PIEZO2: variants seen among roughly 807,000 people sequenced by gnomAD.
PIEZO2 encodes the protein piezo-type mechanosensitive ion channel component 2.
A neutral mutation model predicts 337.3 loss-of-function variants in PIEZO2; 172 were observed. The observed-to-expected ratio is 0.51, with a 90% CI of 0.45 to 0.58. PIEZO2 has a LOEUF of 0.58. Ranked by LOEUF, PIEZO2 falls within the 20% of genes least tolerant of loss-of-function variation. The pLI is 0.00. For synonymous variants in PIEZO2, 1,251 were observed against 1,228.5 expected (o/e 1.02, Z -0.38); for missense variants, 3,028 against 3,391.3 (o/e 0.89, Z 2.66).
rs557735962 is a variant in PIEZO2, at chr18:10,946,401, A to T, written c.286+33134T>A. On this transcript the variant is annotated intron_variant, in intron 3 of 55. Coordinates refer to ENST00000674853, the MANE Select transcript of PIEZO2 (RefSeq NM_001378183.1). ...AACATATCTTTCAAAAATGAAAGGGATGACCACTGGGAAACTGTGATTCTA... is the reference window on the plus strand; with the variant it reads ...AACATATCTTTCAAAAATGAAAGGGTTGACCACTGGGAAACTGTGATTCTA... Among the ~76,000 whole-genome samples the T allele has an allele frequency of 6.6e-5, 10 of 152,336 alleles. 1 individual carries two copies. The South Asian group carries it at 2.1e-3, about 32-fold the overall frequency.
rs567162893 is a variant in PIEZO2, at chr18:10,856,728, C to T, written c.703+273G>A. Among the ~76,000 whole-genome samples, 9 of 152,290 alleles carry T rather than the reference C, an allele frequency of 5.9e-5. No homozygotes were observed. The South Asian group carries it at 1.9e-3, about 32-fold the overall frequency. On this transcript the variant is annotated intron_variant, in intron 6 of 55. Transcript: ENST00000674853. The surrounding 1 kb of genome is among the most constrained non-coding windows in gnomAD (Gnocchi z 4.7). ...GGAAGAGGATTGTTGTTATTCTAAT[C>T]TAAACCTAGAAAATGGAGTCGCTTA... is the stretch of plus-strand genomic sequence containing the variant.
intron 3 of PIEZO2, among the ~76,000 whole-genome samples, chr18:10,925,242 A>G (rs761958894): frequency 6.6e-6 from 1 of 152,240 alleles, no homozygotes; most frequent in Non-Finnish European, 1.5e-5. Flanking sequence ...AGAACATTGC[A>G]TATTTCTACA....
intron 14 of PIEZO2, 150 bp downstream of exon 14, chr18:10,791,050 CA>C: frequency 1.0e-6 from 1 of 956,458 alleles, no homozygotes; most frequent in Non-Finnish European, 1.4e-6. Flanking sequence ...ACGTGTACCT[CA>C]AAAGTCACAC....
rs444302 is a variant in PIEZO2 at position 10,952,886 on chromosome 18, T to C, written c.286+26649A>G. Among the ~76,000 whole-genome samples, 22,022 of 67,546 alleles carry C rather than the reference T, an allele frequency of 0.33. 2,824 individuals carry two copies. The highest frequency in any genetic ancestry group is 0.48 in the African/African-American group (13,921 of 29,180). 44.3% of individuals were successfully genotyped at this position (67,546 alleles called of 152,430 possible). On this transcript the variant is annotated intron_variant, in intron 3 of 55. Coordinates refer to ENST00000674853, the MANE Select transcript of PIEZO2 (RefSeq NM_001378183.1). The surrounding 1 kb of genome is among the most constrained non-coding windows in gnomAD (Gnocchi z 4.1). Reference sequence around the variant, plus strand: ...CCTTCCCTTCCTTCCTTCCTTCCTTTCATCCCTCCCTCCATCCCTCCCTCC... The same window carrying C: ...CCTTCCCTTCCTTCCTTCCTTCCTTCCATCCCTCCCTCCATCCCTCCCTCC...
chr18:10,838,261 G>C (rs2144587536), intron 7 of PIEZO2, among the ~76,000 whole-genome samples: 1 of 152,228 alleles, frequency 6.6e-6, no homozygotes, highest in Non-Finnish European at 1.5e-5. Flanking sequence ...GGAAAACACA[G>C]CCAATGTTTA....
intron 5 of PIEZO2, among the ~76,000 whole-genome samples, chr18:10,869,811 C>A (rs1361924407): frequency 1.3e-5 from 2 of 152,100 alleles, no homozygotes; most frequent in Admixed American, 6.5e-5. Context: ...TTAACATTTG[C>A]CTTAAAAATA....
chr18:10,766,006 G>C lies in PIEZO2; in HGVS notation c.2947-2908C>G, dbSNP rs2038338824. 6.6e-6 allele frequency among the ~76,000 whole-genome samples: 1 copy of C among 152,158 alleles called. No homozygotes were observed. On this transcript the variant is annotated intron_variant, in intron 21 of 55. Transcript: ENST00000674853. The surrounding 1 kb of genome is among the most constrained non-coding windows in gnomAD (Gnocchi z 6.1). ...GAAGTCAAATCAGAGGAGGACTAAA[G>C]AGCCTCTGTGCGGTGAATATTTTTA... is the stretch of plus-strand genomic sequence containing the variant.
chr18:10,703,537 C>T (rs1271657791), intron 42 of PIEZO2, among the ~76,000 whole-genome samples: 6 of 152,146 alleles, frequency 3.9e-5, no homozygotes, highest in African/African-American at 9.7e-5. Flanking sequence ...GTGCATCTAG[C>T]ATGAGCACTG....
In PIEZO2 at chr18:10,732,160, A is replaced by AT. The variant is rs2036814459; in HGVS notation, c.4915-640dup. On this transcript the variant is annotated intron_variant, in intron 35 of 55. Coordinates refer to ENST00000674853, the MANE Select transcript of PIEZO2 (RefSeq NM_001378183.1). ...AAGAGCTGAAAATAGTTACATTAAT[A>AT]TATTATAACTGAGAACCAGGAAAGA... Among the ~76,000 whole-genome samples the AT allele has an allele frequency of 2.0e-5, 3 of 152,226 alleles. No homozygotes were observed. The South Asian group carries it at 6.2e-4, about 32-fold the overall frequency.
At chr18:11,103,093 C>T (rs368062919) in intron 1 of PIEZO2, among the ~76,000 whole-genome samples, 23 of 152,200 alleles carry the variant, frequency 1.5e-4, no homozygotes, top group African/African-American at 5.5e-4. Flanking sequence ...TAAAAGGGTG[C>T]TGATTCTTGA....
rs183135212 is a variant in PIEZO2, at chr18:11,116,802, T to A, written c.64+31723A>T. Among the ~76,000 whole-genome samples, 1 of 152,072 alleles carries A rather than the reference T, an allele frequency of 6.6e-6. No homozygotes were observed. Among genetic ancestry groups the A allele is most frequent in the East Asian group, 1.9e-4 (1 of 5,166 alleles). Reference sequence around the variant, plus strand: ...GTATAGCACAGTAGGGTGACTATAGTTAACAATAATTTATTGTGTATTTCA... The same window carrying A: ...GTATAGCACAGTAGGGTGACTATAGATAACAATAATTTATTGTGTATTTCA... On this transcript the variant is annotated intron_variant, in intron 1 of 55. Coordinates refer to ENST00000674853, the MANE Select transcript of PIEZO2 (RefSeq NM_001378183.1). The surrounding 1 kb of genome is among the most constrained non-coding windows in gnomAD (Gnocchi z 5.0).
At chr18:11,065,913 T>C (rs2038132021) in intron 2 of PIEZO2, among the ~76,000 whole-genome samples, 1 of 152,202 alleles carries the variant, frequency 6.6e-6, no homozygotes, top group Non-Finnish European at 1.5e-5. Context: ...ATAGGGAATT[T>C]GTTAACTGTG....
At chr18:10,802,570 C>T (rs982056814) in intron 9 of PIEZO2, among the ~76,000 whole-genome samples, 4 of 152,094 alleles carry the variant, frequency 2.6e-5, no homozygotes, top group Admixed American at 1.3e-4. Flanking sequence ...AAAAGACAAC[C>T]GGATTTTCAC....
Position 10,807,287 on chromosome 18 carries a change from A to G in PIEZO2, c.918-13T>C, listed in dbSNP as rs1427364286. On this transcript the variant is annotated splice_polypyrimidine_tract_variant and intron_variant, in intron 7 of 55. Transcript: ENST00000674853. ...GATACCAAACAACCTGTTAAAAAAC[A>G]AAGAAAAATGCTTAAAAGATGCAAT... The G allele has an allele frequency of 3.3e-6, 5 of 1,530,170 alleles. No homozygotes were observed. The highest frequency in any genetic ancestry group is 2.5e-5 in the East Asian group (1 of 40,792). The allele number at this position is 1,530,170 out of a possible 1,614,324, so 94.8% of individuals were successfully genotyped here.
chr18:10,857,628 T>A lies in PIEZO2; in HGVS notation c.493-417A>T, dbSNP rs1185444758. Among the ~76,000 whole-genome samples the A allele has an allele frequency of 2.6e-5, 4 of 152,226 alleles. No individual in the cohort carries two copies. In the East Asian group the frequency reaches 7.7e-4, roughly 29 times the overall value. On this transcript the variant is annotated intron_variant, in intron 5 of 55. Transcript: ENST00000674853. ...AGCTTCGACTGAAAGGTGAGTCCAA[T>A]CAATGCTTAGGAAATTCTGGTTTTT...
intron 4 of PIEZO2, among the ~76,000 whole-genome samples, chr18:10,896,860 C>A: frequency 6.6e-6 from 1 of 152,134 alleles, no homozygotes; most frequent in East Asian, 1.9e-4. Flanking sequence ...CACCTACTGC[C>A]AAAAAGAGTT....
In PIEZO2 at chr18:10,673,640, G is replaced by T. The variant is rs532270176; in HGVS notation, c.8162-767C>A. ...GGGTGAATGCAAAAGAGTTGTAAAAGATAGGGTAAAAAGCTTGTAGTGACA... is the reference window on the plus strand; with the variant it reads ...GGGTGAATGCAAAAGAGTTGTAAAATATAGGGTAAAAAGCTTGTAGTGACA... On this transcript the variant is annotated intron_variant, in intron 54 of 55. Transcript: ENST00000674853. This position sits in a 1 kb window ranked among gnomAD's most constrained non-coding sequence, Gnocchi z 4.8. Among the ~76,000 whole-genome samples, 11 of 152,314 alleles carry T rather than the reference G, an allele frequency of 7.2e-5. No individual in the cohort carries two copies. In the South Asian group the frequency reaches 2.3e-3, roughly 32 times the overall value.
At chr18:11,100,981 C>G (rs1011352445) in intron 1 of PIEZO2, among the ~76,000 whole-genome samples, 1 of 152,200 alleles carries the variant, frequency 6.6e-6, no homozygotes, top group African/African-American at 2.4e-5. Flanking sequence ...AACTTAAACT[C>G]AGGGGGTCAT....
intron 2 of PIEZO2, among the ~76,000 whole-genome samples, chr18:11,036,893 T>A (rs1771395220): frequency 6.6e-6 from 1 of 152,176 alleles, no homozygotes; most frequent in Admixed American, 6.5e-5. Flanking sequence ...TATATTGCAA[T>A]AGATATAAAC....
Sources: gnomAD v4.1 joint callset for allele counts (sites outside exome capture counted in the v4.1 genomes callset) on GRCh38, gnomAD v4.1.1 for gene constraint, Gnocchi (gnomAD v3.1) non-coding constraint, MANE v1.5 for transcripts, NCBI Gene and HGNC (gene_info 2026-07-23, HGNC 2026-07-21) for gene names.